The following WDR49 variants were observed in gnomAD, a reference collection of about 807,000 sequenced individuals.
WDR49 encodes WD repeat domain 49.
A neutral mutation model predicts 119.5 loss-of-function variants in WDR49; 107 were observed. The observed-to-expected ratio is 0.90, with a 90% CI of 0.77 to 1.05. The LOEUF is 1.05. WDR49 is among the 50% of genes least tolerant of loss of function. WDR49 has a pLI of 0.00. For synonymous variants in WDR49, 425 were observed against 418.8 expected, an observed-to-expected ratio of 1.01 and a Z score of -0.18; for missense variants, 1,240 against 1,220.5, an observed-to-expected ratio of 1.02 and a Z score of -0.24.
chr3:167,495,719 C>A (rs966359162), intron 18 of WDR49, among the ~76,000 whole-genome samples: 15 of 151,054 alleles, frequency 9.9e-5, no homozygotes, highest in Admixed American at 3.3e-4. Flanking sequence ...TAAATACACA[C>A]ACAAAAAAAA....
chr3:167,531,123 G>T lies in WDR49; in HGVS notation c.2210C>A (p.Ala737Glu). The T allele has an allele frequency of 5.6e-6, 9 of 1,610,692 alleles. No homozygotes were observed. The highest frequency in any genetic ancestry group is 6.8e-6 in the Non-Finnish European group (8 of 1,178,894). ...LCFLKARKNT[A>E]VTGGANLVSC... ...GTAAATATATATTTTACCTGTCACT[G>T]CAGTGTTTTTTCTTGCTTTAAGAAA... The change falls in exon 13 of 19, where the codon GCA (alanine) becomes GAA (glutamate). Residue 737 changes from alanine to glutamate, a missense_variant. Ala to Glu is a moderately radical substitution (Grantham distance 107). Coordinates refer to ENST00000682715, the MANE Select transcript of WDR49 (RefSeq NM_001366157.1).
At chr3:167,485,528 T>A (rs926970935) in intron 18 of WDR49, among the ~76,000 whole-genome samples, 3 of 151,976 alleles carry the variant, frequency 2.0e-5, no homozygotes, top group Non-Finnish European at 4.4e-5. Context: ...TCCAATAAAA[T>A]GATCCAAGAG....
chr3:167,494,662 C>T (rs952872296), intron 18 of WDR49, among the ~76,000 whole-genome samples: 4 of 152,058 alleles, frequency 2.6e-5, no homozygotes, highest in African/African-American at 9.7e-5. Context: ...GACCTGCATT[C>T]GACTGAGAGA....
chr3:167,580,236 A>G (rs757144597), intron 7 of WDR49, among the ~76,000 whole-genome samples: 2 of 152,144 alleles, frequency 1.3e-5, no homozygotes, highest in Non-Finnish European at 2.9e-5. Flanking sequence ...TCAACTAACG[A>G]TCCCACTAAG....
chr3:167,647,581 A>T (rs75907522), intron 2 of WDR49, among the ~76,000 whole-genome samples: 315 of 152,294 alleles, frequency 2.1e-3, no homozygotes, highest in African/African-American at 7.2e-3. Context: ...CAACTGCAGT[A>T]GTATTGGATT....
intron 7 of WDR49, among the ~76,000 whole-genome samples, chr3:167,589,802 C>G (rs1715013002): frequency 6.6e-6 from 1 of 151,938 alleles, no homozygotes; most frequent in Admixed American, 6.6e-5. Flanking sequence ...ATTTGCTTAC[C>G]ATTCTAATGT....
intron 8 of WDR49, among the ~76,000 whole-genome samples, chr3:167,561,940 A>C (rs1171036973): frequency 6.6e-6 from 1 of 152,120 alleles, no homozygotes; most frequent in African/African-American, 2.4e-5. Context: ...GAATATTCCA[A>C]GAATGAGAAA....
intron 2 of WDR49, among the ~76,000 whole-genome samples, chr3:167,652,370 T>A (rs1718428281): frequency 6.6e-6 from 1 of 152,192 alleles, no homozygotes; most frequent in African/African-American, 2.4e-5. Flanking sequence ...AATTTCCAGG[T>A]GGTATTCCAA....
intron 10 of WDR49, among the ~76,000 whole-genome samples, chr3:167,549,603 A>G (rs1036345835): frequency 1.3e-5 from 2 of 152,176 alleles, no homozygotes; most frequent in Non-Finnish European, 2.9e-5. Flanking sequence ...GCCCTTTGTC[A>G]GATGGGTAGA....
At chr3:167,645,382 C>T (rs986812004) in intron 2 of WDR49, among the ~76,000 whole-genome samples, 5 of 151,548 alleles carry the variant, frequency 3.3e-5, no homozygotes, top group Non-Finnish European at 7.4e-5. Context: ...GGCTAGTTTT[C>T]GTATTTTTGT....
chr3:167,604,377 C>A lies in WDR49; in HGVS notation c.1050G>T (p.Lys350Asn), dbSNP rs775661167. The A allele has an allele frequency of 5.6e-6, 9 of 1,613,582 alleles. No homozygotes were observed. The highest frequency in any genetic ancestry group is 1.6e-4 in the Middle Eastern group (1 of 6,082). ...VVMAWREKSK[K>N]RLNMTSFNIA... ...TGTTGAAGGATGTCATATTAAGACGCTTTTTTGATTTCTCTCTCCAAGCCA... is the reference window on the plus strand; with the variant it reads ...TGTTGAAGGATGTCATATTAAGACGATTTTTTGATTTCTCTCTCCAAGCCA... The change falls in exon 6 of 19, where the codon AAG (lysine) becomes AAT (asparagine). Residue 350 changes from lysine (K) to asparagine (N), a missense_variant. Transcript: ENST00000682715.
chr3:167,641,254 G>T (rs999326478), intron 2 of WDR49, among the ~76,000 whole-genome samples: 16 of 151,974 alleles, frequency 1.1e-4, no homozygotes, highest in African/African-American at 3.4e-4. Flanking sequence ...TGCAGAATTT[G>T]CCTCTGTTGA....
chr3:167,536,195 T>C lies in WDR49; in HGVS notation c.1954+675A>G, dbSNP rs530797157. 2.6e-5 allele frequency among the ~76,000 whole-genome samples: 4 copies of C among 152,178 alleles called. No homozygotes were observed. In the East Asian group the frequency reaches 7.7e-4, roughly 29 times the overall value. ...GACTAGAGTTAACAATAATGTATTG[T>C]ATACTTCAAAATAGCTAGAAAAAAG... On this transcript the variant is annotated intron_variant, in intron 11 of 18. Coordinates refer to ENST00000682715, the MANE Select transcript of WDR49 (RefSeq NM_001366157.1).
chr3:167,646,581 T>C (rs1718140330), intron 2 of WDR49, among the ~76,000 whole-genome samples: 1 of 152,328 alleles, frequency 6.6e-6, no homozygotes, highest in South Asian at 2.1e-4. Context: ...TAGTAGCTAC[T>C]GCGTACTTGA....
chr3:167,569,115 C>A (rs574059680), intron 8 of WDR49, among the ~76,000 whole-genome samples: 1 of 151,628 alleles, frequency 6.6e-6, no homozygotes, highest in East Asian at 1.9e-4. Context: ...CTAATTTTTT[C>A]GTATTTTTAG....
At chr3:167,644,473 GT>G (rs1483709798) in intron 2 of WDR49, among the ~76,000 whole-genome samples, 6 of 151,826 alleles carry the variant, frequency 4.0e-5, no homozygotes, top group African/African-American at 1.5e-4. Context: ...TGATTTTCTT[GT>G]TTTCACTGAA....
intron 16 of WDR49, among the ~76,000 whole-genome samples, chr3:167,521,488 T>A (rs1414906925): frequency 6.6e-6 from 1 of 152,232 alleles, no homozygotes; most frequent in Non-Finnish European, 1.5e-5. Flanking sequence ...TTCTCTCTGG[T>A]GTTTCACCTG....
intron 10 of WDR49, among the ~76,000 whole-genome samples, chr3:167,539,731 C>T (rs1467124841): frequency 1.3e-5 from 2 of 152,098 alleles, no homozygotes; most frequent in Non-Finnish European, 2.9e-5. Context: ...CCCTGACCAC[C>T]CTATCTGAAG....
intron 10 of WDR49, among the ~76,000 whole-genome samples, chr3:167,547,981 C>T (rs1459306121): frequency 2.0e-5 from 3 of 151,968 alleles, no homozygotes; most frequent in Non-Finnish European, 4.4e-5. Flanking sequence ...TACATCAAAA[C>T]TTCCATATGT....
Sources: allele counts gnomAD v4.1 joint callset (sites outside exome capture counted in the v4.1 genomes callset), GRCh38; gene constraint gnomAD v4.1.1; transcripts MANE v1.5; gene names NCBI Gene and HGNC (gene_info 2026-07-23, HGNC 2026-07-21).